ZC3H12D: variants seen among roughly 807,000 people sequenced by gnomAD.
ZC3H12D encodes the protein zinc finger CCCH-type containing 12D.
A neutral mutation model predicts 24.2 loss-of-function variants in ZC3H12D; 11 were observed. The observed-to-expected ratio is 0.46, with a 90% CI of 0.29 to 0.75. The LOEUF is 0.75. ZC3H12D is among the 30% of genes least tolerant of loss of function. The pLI is 0.11. For missense variants in ZC3H12D, 740 were observed against 767.7 expected (o/e 0.96, Z 0.43); for synonymous variants, 333 against 341.8 (o/e 0.97, Z 0.28).
At chr6:149,475,752 T>A (rs1291783047) in intron 1 of ZC3H12D, among the ~76,000 whole-genome samples, 2 of 148,306 alleles carry the variant, frequency 1.3e-5, no homozygotes, top group African/African-American at 5.0e-5. Flanking sequence ...ATTTCATCCA[T>A]CCCAGCCAGG....
In ZC3H12D at chr6:149,448,125, T is replaced by C. The variant is rs905638683; in HGVS notation, c.*2558A>G. 1 of 152,004 alleles carries C rather than the reference T, an allele frequency of 6.6e-6. No individual in the cohort carries two copies. Among genetic ancestry groups the C allele is most frequent in the African/African-American group, 2.4e-5 (1 of 41,344 alleles). The allele number at this position is 152,004 out of a possible 1,614,324, so 9.4% of individuals were successfully genotyped here. ...TAACACGGTGAAACCCCATCTCTAC[T>C]AAAAATACAAAAAGTTAGCCAGATG... is the stretch of plus-strand genomic sequence containing the variant. On this transcript the variant is annotated 3_prime_UTR_variant, in exon 6 of 6. Transcript: ENST00000409806.
At chr6:149,466,790 C>T (rs952570346) in intron 2 of ZC3H12D, among the ~76,000 whole-genome samples, 5 of 151,986 alleles carry the variant, frequency 3.3e-5, no homozygotes, top group South Asian at 2.1e-4. Context: ...GCAGGAAAAT[C>T]GCTTGAACCC....
Position 149,456,984 on chromosome 6 carries a change from C to CCCGGG in ZC3H12D, c.446-89_446-85dup. On this transcript the variant is annotated intron_variant, in intron 3 of 5. Transcript: ENST00000409806. This position sits in a 1 kb window ranked among gnomAD's most constrained non-coding sequence, Gnocchi z 4.3. ...ACCCCCAACGCGAGGCCACCCGCTT[C>CCCGGG]CCGGGCCGGTCAGATGAGGTTTTGA... 7.3e-7 allele frequency: 1 copy of CCCGGG among 1,374,386 alleles called. No homozygotes were observed. The highest frequency in any genetic ancestry group is 9.9e-7 in the Non-Finnish European group (1 of 1,006,484). 85.1% of individuals were successfully genotyped at this position (1,374,386 alleles called of 1,614,324 possible). A position where few individuals can be genotyped will look rare whatever the true frequency, so the allele number is the denominator to read the frequency against.
At chr6:149,464,963 T>C (rs1776128509) in intron 2 of ZC3H12D, among the ~76,000 whole-genome samples, 1 of 152,244 alleles carries the variant, frequency 6.6e-6, no homozygotes, top group South Asian at 2.1e-4. Context: ...CCAACCCATA[T>C]GCAGACAAGG....
In ZC3H12D at chr6:149,450,401, T is replaced by C. The variant is rs116831134; in HGVS notation, c.*282A>G. ...GATTTTGTGACCCACTTGTGGGTTC[T>C]ACTGCAGCTTGGACCCGCAGTCTCC... On this transcript the variant is annotated 3_prime_UTR_variant, in exon 6 of 6. Coordinates refer to ENST00000409806, the MANE Select transcript of ZC3H12D (RefSeq NM_207360.3). 719 of 413,424 alleles carry C rather than the reference T, an allele frequency of 1.7e-3. 6 individuals are homozygous for C. Among genetic ancestry groups the C allele is most frequent in the African/African-American group, 0.013 (651 of 48,662 alleles). The allele number at this position is 413,424 out of a possible 1,614,324, so 25.6% of individuals were successfully genotyped here.
intron 1 of ZC3H12D, among the ~76,000 whole-genome samples, chr6:149,475,420 T>C (rs1376062968): frequency 1.3e-5 from 2 of 152,112 alleles, no homozygotes; most frequent in Non-Finnish European, 2.9e-5. Context: ...ACCTCTGCAA[T>C]AGAAGGGCCT....
intron 1 of ZC3H12D, among the ~76,000 whole-genome samples, chr6:149,483,756 G>T (rs893837936): frequency 6.6e-6 from 1 of 152,022 alleles, no homozygotes; most frequent in African/African-American, 2.4e-5. Context: ...TCACTAAGTT[G>T]CCCAGGCTGG....
intron 2 of ZC3H12D, among the ~76,000 whole-genome samples, chr6:149,470,021 T>G (rs191794591): frequency 6.6e-6 from 1 of 152,288 alleles, no homozygotes; most frequent in East Asian, 1.9e-4. Context: ...TCAGGCAAGT[T>G]ACTTACTCTC....
chr6:149,452,309 G>T lies in ZC3H12D; in HGVS notation c.787+307C>A. On this transcript the variant is annotated intron_variant, in intron 5 of 5. Transcript: ENST00000409806. The surrounding 1 kb of genome is among the most constrained non-coding windows in gnomAD (Gnocchi z 4.0). ...CAGAAGCTGCCAGGGGCCAGGTGAA[G>T]GGACTGAGACCCGCAGCTGGGTTTG... 1 of 308,328 alleles carries T rather than the reference G, an allele frequency of 3.2e-6. No individual in the cohort carries two copies. The highest frequency in any genetic ancestry group is 6.0e-6 in the Non-Finnish European group (1 of 167,898). 19.1% of individuals were successfully genotyped at this position (308,328 alleles called of 1,614,324 possible).
At position 149,452,649 on chromosome 6, in the gene ZC3H12D, G is replaced by A. The variant is rs779506279; in HGVS notation, c.754C>T (p.Pro252Ser). The change falls in exon 5 of 6, where the codon CCC becomes TCC. Residue 252 changes from proline to serine, a missense_variant. Pro to Ser is a moderately conservative substitution (Grantham distance 74). Coordinates refer to ENST00000409806, the MANE Select transcript of ZC3H12D (RefSeq NM_207360.3). This position sits in a 1 kb window ranked among gnomAD's most constrained non-coding sequence, Gnocchi z 4.0. ...LSNFLSRKPK[P>S]PEPSWQHCPY... ...CAATGCTGCCAGGATGGCTCTGGGGGCTTCGGCTTCCTGCTCAGGAAGTTG... is the reference window on the plus strand; with the variant it reads ...CAATGCTGCCAGGATGGCTCTGGGGACTTCGGCTTCCTGCTCAGGAAGTTG... The A allele has an allele frequency of 7.5e-6, 12 of 1,603,784 alleles. No individual in the cohort carries two copies. The highest frequency in any genetic ancestry group is 8.5e-6 in the Non-Finnish European group (10 of 1,175,710).
Position 149,461,885 on chromosome 6 carries a change from C to A in ZC3H12D, c.391G>T (p.Val131Phe). The change falls in exon 3 of 6, where the codon GTT (valine) becomes TTT (phenylalanine). Residue 131 changes from valine to phenylalanine, a missense_variant. Transcript: ENST00000409806. ...FRDRGHTYIK[V>F]FVPSWRKDPP... is the part of the protein sequence containing the mutation. ...TCCTTCCTCCAGGATGGAACAAAAA[C>A]TTTGATGTAGGTGTGTCCTCTGTCC... 2 of 1,599,510 alleles carry A rather than the reference C, an allele frequency of 1.3e-6. No homozygotes were observed. The highest frequency in any genetic ancestry group is 1.3e-5 in the African/African-American group (1 of 74,818).
Position 149,452,664 on chromosome 6 carries a change from T to C in ZC3H12D, c.739A>G (p.Ser247Gly). The C allele has an allele frequency of 6.2e-7, 1 of 1,608,300 alleles. No homozygotes were observed. Among genetic ancestry groups the C allele is most frequent in the East Asian group, 2.2e-5 (1 of 44,794 alleles). The change falls in exon 5 of 6, where the codon AGC (serine) becomes GGC (glycine). Residue 247 changes from serine to glycine, a missense_variant. By Grantham distance (56) the Ser-to-Gly change is moderately conservative (BLOSUM62 0). Transcript: ENST00000409806. This position sits in a 1 kb window ranked among gnomAD's most constrained non-coding sequence, Gnocchi z 4.0. ...RHGPSLSNFL[S>G]RKPKPPEPSW... ...GGCTCTGGGGGCTTCGGCTTCCTGC[T>C]CAGGAAGTTGCTCAGGGAGGGTCCA...
chr6:149,456,968 G>A lies in ZC3H12D; in HGVS notation c.446-68C>T. The A allele has an allele frequency of 1.4e-6, 2 of 1,476,028 alleles. No homozygotes were observed. 91.4% of individuals were successfully genotyped at this position (1,476,028 alleles called of 1,614,324 possible). On this transcript the variant is annotated intron_variant, in intron 3 of 5. Coordinates refer to ENST00000409806, the MANE Select transcript of ZC3H12D (RefSeq NM_207360.3). This position sits in a 1 kb window ranked among gnomAD's most constrained non-coding sequence, Gnocchi z 4.3. ...ACCGCCCCTGAGAACCACCCCCAAC[G>A]CGAGGCCACCCGCTTCCCGGGCCGG... is the stretch of plus-strand genomic sequence containing the variant.
Position 149,456,601 on chromosome 6 carries a change from A to C in ZC3H12D, c.680+65T>G. 1 of 1,369,752 alleles carries C rather than the reference A, an allele frequency of 7.3e-7. No homozygotes were observed. The highest frequency in any genetic ancestry group is 1.0e-6 in the Non-Finnish European group (1 of 994,386). 84.8% of individuals were successfully genotyped at this position (1,369,752 alleles called of 1,614,324 possible). On this transcript the variant is annotated intron_variant, in intron 4 of 5. Coordinates refer to ENST00000409806, the MANE Select transcript of ZC3H12D (RefSeq NM_207360.3). This position sits in a 1 kb window ranked among gnomAD's most constrained non-coding sequence, Gnocchi z 4.3. ...CCTCCACCTGGTAGCAGGCGTGGCC[A>C]CTGCCTCGACCCCGGCCCCCCGCCC...
intron 3 of ZC3H12D, among the ~76,000 whole-genome samples, chr6:149,460,326 G>A (rs1287467722): frequency 2.0e-5 from 3 of 150,936 alleles, no homozygotes; most frequent in African/African-American, 4.9e-5. Context: ...AAACACTTCT[G>A]CTCCCAAGTA....
intron 1 of ZC3H12D, among the ~76,000 whole-genome samples, chr6:149,478,334 A>C (rs1480407885): frequency 6.6e-6 from 1 of 152,176 alleles, no homozygotes. Flanking sequence ...GCTGTCTTCT[A>C]TTAACCCAGA....
At chr6:149,455,859 G>A (rs1272106960) in intron 4 of ZC3H12D, among the ~76,000 whole-genome samples, 1 of 150,856 alleles carries the variant, frequency 6.6e-6, no homozygotes, top group Non-Finnish European at 1.5e-5. Flanking sequence ...CTGTGATCAT[G>A]CCACTGCACT....
At chr6:149,476,516 A>T (rs181127182) in intron 1 of ZC3H12D, among the ~76,000 whole-genome samples, 18 of 149,194 alleles carry the variant, frequency 1.2e-4, no homozygotes, top group Admixed American at 2.7e-4. Flanking sequence ...AAAAAAAAAA[A>T]TGCATTTTTG....
At position 149,452,581 on chromosome 6, in the gene ZC3H12D, T is replaced by C; in HGVS notation, c.787+35A>G. 1 of 1,479,620 alleles carries C rather than the reference T, an allele frequency of 6.8e-7. No homozygotes were observed. The highest frequency in any genetic ancestry group is 9.0e-7 in the Non-Finnish European group (1 of 1,114,358). The allele number at this position is 1,479,620 out of a possible 1,614,324, so 91.7% of individuals were successfully genotyped here. ...CCTGTACTGCCCCCACACAAGGCCCTGAACAGGGCCTGCGAAGCACTGGGC... is the reference window on the plus strand; with the variant it reads ...CCTGTACTGCCCCCACACAAGGCCCCGAACAGGGCCTGCGAAGCACTGGGC... On this transcript the variant is annotated intron_variant, in intron 5 of 5. Coordinates refer to ENST00000409806, the MANE Select transcript of ZC3H12D (RefSeq NM_207360.3). This position sits in a 1 kb window ranked among gnomAD's most constrained non-coding sequence, Gnocchi z 4.0.
Sources: gnomAD v4.1 joint callset for allele counts (sites outside exome capture counted in the v4.1 genomes callset) on GRCh38, gnomAD v4.1.1 for gene constraint, Gnocchi (gnomAD v3.1) non-coding constraint, MANE v1.5 for transcripts, NCBI Gene and HGNC (gene_info 2026-07-23, HGNC 2026-07-21) for gene names.